The following SUCLG2 variants were observed in gnomAD, a reference collection of about 807,000 sequenced individuals.
The protein encoded by SUCLG2 is succinate--CoA ligase [GDP-forming] subunit beta, mitochondrial.
Under a neutral mutation model 47.9 loss-of-function variants are expected in SUCLG2, and 42 were observed. The ratio of observed to expected loss-of-function variants is 0.88; its 90% CI spans 0.69 to 1.14. The LOEUF (loss-of-function observed/expected upper bound fraction) is 1.14. Among genes scored for constraint, SUCLG2 ranks in the 50% most tolerant of loss-of-function variants. SUCLG2 has a pLI of 0.00. For synonymous variants in SUCLG2, 195 were observed against 197.3 expected, an observed-to-expected ratio of 0.99 and a Z score of 0.10; for missense variants, 571 against 525.9, an observed-to-expected ratio of 1.09 and a Z score of -0.84.
chr3:67,484,036 T>G (rs565682398), intron 9 of SUCLG2, among the ~76,000 whole-genome samples: 127 of 152,318 alleles, frequency 8.3e-4, no homozygotes, highest in African/African-American at 2.7e-3. Flanking sequence ...TACCTATATG[T>G]TGTTTGGGAA....
At chr3:67,520,777 G>A in intron 4 of SUCLG2, 143 bp from the exon 5 acceptor site, 2 of 899,684 alleles carry the variant, frequency 2.2e-6, no homozygotes, top group Non-Finnish European at 1.7e-6. Flanking sequence ...AGCTTTGAGA[G>A]TTCTGCTCTC....
At position 67,612,649 on chromosome 3, in the gene SUCLG2, C is replaced by G. The variant is rs77275566; in HGVS notation, c.85-3053G>C. Among the ~76,000 whole-genome samples, 910 of 152,262 alleles carry G rather than the reference C, an allele frequency of 6.0e-3. 37 individuals are homozygous for G. In the East Asian group the frequency reaches 0.11, roughly 18 times the overall value. ...CTCTGTAGCTGTCATTAGTGCAAAT[C>G]AAGAAATATCCTCGGTCTTCTTCCT... On this transcript the variant is annotated intron_variant, in intron 1 of 10. Transcript: ENST00000307227.
At chr3:67,399,733 A>T (rs1702640869) in intron 10 of SUCLG2, among the ~76,000 whole-genome samples, 1 of 152,172 alleles carries the variant, frequency 6.6e-6, no homozygotes, top group Non-Finnish European at 1.5e-5. Flanking sequence ...AACTCCCTTA[A>T]TGTGTAACAC....
intron 9 of SUCLG2, among the ~76,000 whole-genome samples, chr3:67,475,289 G>T (rs1704719977): frequency 6.6e-6 from 1 of 152,142 alleles, no homozygotes; most frequent in African/African-American, 2.4e-5. Context: ...GCTCACCAAA[G>T]AAAATGTTTT....
intron 2 of SUCLG2, among the ~76,000 whole-genome samples, chr3:67,572,900 A>C (rs1388205136): frequency 1.3e-5 from 2 of 152,220 alleles, no homozygotes; most frequent in Non-Finnish European, 2.9e-5. Context: ...CAGAAGACAT[A>C]GTTCTGTATA....
rs145066808 is a variant in SUCLG2, at chr3:67,624,829, C to A, written c.85-15233G>T. Among the ~76,000 whole-genome samples the A allele has an allele frequency of 7.2e-5, 11 of 152,214 alleles. No individual in the cohort carries two copies. In the East Asian group the frequency reaches 1.7e-3, roughly 24 times the overall value. The stretch of plus-strand genomic sequence containing the variant: ...AATTTATACCCAAGTGCAGAATGCA[C>A]GGTAGTCAAATGAGCCTGTCACACT... On this transcript the variant is annotated intron_variant, in intron 1 of 10. Coordinates refer to ENST00000307227, the MANE Select transcript of SUCLG2 (RefSeq NM_003848.4).
chr3:67,496,907 G>A (rs1401563152), intron 8 of SUCLG2, among the ~76,000 whole-genome samples: 1 of 151,970 alleles, frequency 6.6e-6, no homozygotes, highest in African/African-American at 2.4e-5. Context: ...AATTAAATTT[G>A]GAGTAACTAA....
chr3:67,508,181 G>C lies in SUCLG2; in HGVS notation c.757+626C>G, dbSNP rs923328267. 2.0e-5 allele frequency among the ~76,000 whole-genome samples: 3 copies of C among 152,072 alleles called. No homozygotes were observed. The East Asian group carries it at 5.8e-4, about 29-fold the overall frequency. Reference sequence around the variant, plus strand: ...CAAGTAAGGTGAAAGAGTTCAACTGGGGGGGACTTGGGGCTTTACCAAGGT... The same window carrying C: ...CAAGTAAGGTGAAAGAGTTCAACTGCGGGGGACTTGGGGCTTTACCAAGGT... On this transcript the variant is annotated intron_variant, in intron 7 of 10. Coordinates refer to ENST00000307227, the MANE Select transcript of SUCLG2 (RefSeq NM_003848.4).
intron 7 of SUCLG2, among the ~76,000 whole-genome samples, chr3:67,506,360 T>C (rs1319274815): frequency 3.3e-5 from 5 of 152,192 alleles, no homozygotes; most frequent in African/African-American, 4.8e-5. Context: ...TATAATTCAA[T>C]TGCTGAACTT....
intron 10 of SUCLG2, among the ~76,000 whole-genome samples, chr3:67,377,490 G>C (rs1575655943): frequency 1.3e-5 from 2 of 152,122 alleles, no homozygotes; most frequent in African/African-American, 4.8e-5. Context: ...AGGCCCCCCT[G>C]CATCTCGAAG....
chr3:67,453,781 A>G (rs994043775), intron 9 of SUCLG2, among the ~76,000 whole-genome samples: 3 of 152,214 alleles, frequency 2.0e-5, no homozygotes, highest in African/African-American at 7.2e-5. Context: ...CAAGAAGGCA[A>G]TGCCTCTTGA....
chr3:67,372,687 C>G (rs1330912894), downstream of SUCLG2, among the ~76,000 whole-genome samples: 1 of 152,190 alleles, frequency 6.6e-6, no homozygotes. Context: ...TTTTGTAGCT[C>G]TCACAGGGTT....
intron 2 of SUCLG2, among the ~76,000 whole-genome samples, chr3:67,595,583 C>T (rs1167366676): frequency 6.6e-6 from 1 of 152,104 alleles, no homozygotes; most frequent in Admixed American, 6.6e-5. Context: ...ACGCTGGAGG[C>T]CCTGGTCCCT....
At chr3:67,559,894 A>G (rs981887150) in intron 2 of SUCLG2, among the ~76,000 whole-genome samples, 8 of 151,770 alleles carry the variant, frequency 5.3e-5, no homozygotes, top group South Asian at 2.1e-4. Flanking sequence ...ATGATGTGTC[A>G]ATGTAGGTTC....
intron 9 of SUCLG2, among the ~76,000 whole-genome samples, chr3:67,443,057 C>T (rs1196617045): frequency 6.6e-6 from 1 of 152,162 alleles, no homozygotes; most frequent in Non-Finnish European, 1.5e-5. Flanking sequence ...TTTGGTCATA[C>T]TCCATAAACA....
chr3:67,570,570 C>T (rs1412283216), intron 2 of SUCLG2, among the ~76,000 whole-genome samples: 2 of 152,192 alleles, frequency 1.3e-5, no homozygotes, highest in African/African-American at 2.4e-5. Flanking sequence ...ATGTGTTTTA[C>T]AGTGGGGAAC....
chr3:67,392,583 T>C (rs1237418969), intron 10 of SUCLG2, among the ~76,000 whole-genome samples: 1 of 152,206 alleles, frequency 6.6e-6, no homozygotes. Flanking sequence ...ATTTATCCCA[T>C]GTTAGACATC....
chr3:67,388,120 A>G (rs1702299537), intron 10 of SUCLG2, among the ~76,000 whole-genome samples: 1 of 152,226 alleles, frequency 6.6e-6, no homozygotes, highest in Non-Finnish European at 1.5e-5. Context: ...AGAAATATTG[A>G]TAACTTCACA....
intron 1 of SUCLG2, among the ~76,000 whole-genome samples, chr3:67,634,862 G>T (rs550955303): frequency 6.6e-6 from 1 of 152,240 alleles, no homozygotes; most frequent in South Asian, 2.1e-4. Flanking sequence ...GAATGTGCAC[G>T]TGTGTATATG....
Sources: gnomAD v4.1 joint callset for allele counts (sites outside exome capture counted in the v4.1 genomes callset) on GRCh38, gnomAD v4.1.1 for gene constraint, MANE v1.5 for transcripts, NCBI Gene and HGNC (gene_info 2026-07-23, HGNC 2026-07-21) for gene names.